Variants in PKIB observed in about 807,000 individuals in gnomAD.
The protein encoded by PKIB is PKI-beta.
A neutral mutation model predicts 4.5 loss-of-function variants in PKIB; 2 were observed. That is an observed-to-expected ratio of 0.44 (90% CI 0.18 to 1.39). The LOEUF is 1.39. Ranked by LOEUF, PKIB falls within the 40% of genes most tolerant of loss-of-function variation. PKIB has a pLI of 0.27. For synonymous variants in PKIB, 38 were observed against 36.0 expected (o/e 1.06, Z -0.20); for missense variants, 94 against 92.6 (o/e 1.02, Z -0.06).
At chr6:122,703,791 C>CAT (rs1778928686) in intron 3 of PKIB, among the ~76,000 whole-genome samples, 1 of 149,618 alleles carries the variant, frequency 6.7e-6, no homozygotes, top group Admixed American at 6.7e-5. Context: ...CATATATATA[C>CAT]ATATATGTAT....
chr6:122,610,477 G>C lies in PKIB; in HGVS notation c.-219G>C, dbSNP rs866768158. The C allele has an allele frequency of 5.2e-5, 8 of 152,634 alleles. No homozygotes were observed. The highest frequency in any genetic ancestry group is 4.1e-4 in the South Asian group (2 of 4,844). The allele number at this position is 152,634 out of a possible 1,614,324, so 9.5% of individuals were successfully genotyped here. A position where few individuals can be genotyped will look rare whatever the true frequency, so the allele number is the denominator to read the frequency against. On this transcript the variant is annotated 5_prime_UTR_variant, in exon 1 of 5. Transcript: ENST00000368452. ...GCCCGAGTCGCAGCTCCGGGCCGCA[G>C]AGCGCTGGGCGAGCGCGAGCGCCAG... is the stretch of plus-strand genomic sequence containing the variant.
chr6:122,505,436 T>C (rs898839852), intron 2 of PKIB, among the ~76,000 whole-genome samples: 2 of 152,226 alleles, frequency 1.3e-5, no homozygotes, highest in African/African-American at 2.4e-5. Flanking sequence ...ATTGTTATTA[T>C]GGTTTGTTTG....
chr6:122,539,576 C>T (rs1421509575), intron 2 of PKIB, among the ~76,000 whole-genome samples: 2 of 151,992 alleles, frequency 1.3e-5, no homozygotes, highest in Non-Finnish European at 2.9e-5. Context: ...CTGCTGAATT[C>T]GGTTTGCCAG....
At chr6:122,701,482 G>A in intron 3 of PKIB, 1 of 1,595,694 alleles carries the variant, frequency 6.3e-7, no homozygotes, top group Non-Finnish European at 8.5e-7. Context: ...GGCTGAACCT[G>A]ACAGCATGTC....
At chr6:122,524,580 A>G (rs958316445) in intron 2 of PKIB, among the ~76,000 whole-genome samples, 1 of 152,092 alleles carries the variant, frequency 6.6e-6, no homozygotes, top group African/African-American at 2.4e-5. Flanking sequence ...TGTTTTGTAG[A>G]ATTCTCCAGT....
intron 2 of PKIB, among the ~76,000 whole-genome samples, chr6:122,540,024 A>G (rs1193872996): frequency 1.3e-5 from 2 of 151,824 alleles, no homozygotes; most frequent in Non-Finnish European, 2.9e-5. Context: ...ATCGGTGGTG[A>G]TATCCCCTTT....
At chr6:122,497,487 C>T (rs2114550673) in intron 2 of PKIB, among the ~76,000 whole-genome samples, 1 of 152,278 alleles carries the variant, frequency 6.6e-6, no homozygotes, top group African/African-American at 2.4e-5. Flanking sequence ...ACTCAGCCCA[C>T]ATGTAACGAC....
At chr6:122,668,189 G>GT (rs2114935190) in intron 2 of PKIB, among the ~76,000 whole-genome samples, 1 of 152,246 alleles carries the variant, frequency 6.6e-6, no homozygotes, top group South Asian at 2.1e-4. Flanking sequence ...TGGTCATTAA[G>GT]TAAAAAAATG....
intron 2 of PKIB, among the ~76,000 whole-genome samples, chr6:122,567,147 G>T (rs1179306229): frequency 6.6e-6 from 1 of 152,186 alleles, no homozygotes; most frequent in East Asian, 1.9e-4. Context: ...GTCTACTCAG[G>T]TGACTTCCAA....
chr6:122,658,006 A>ATT (rs1776841975), intron 2 of PKIB, among the ~76,000 whole-genome samples: 1 of 152,200 alleles, frequency 6.6e-6, no homozygotes, highest in Non-Finnish European at 1.5e-5. Context: ...TCTTTATATC[A>ATT]TGTTGATTAA....
At chr6:122,471,966 A>G in exon 1 of PKIB, 2 of 1,049,450 alleles carry the variant, frequency 1.9e-6, no homozygotes, top group East Asian at 2.8e-5. Context: ...TTTCCTGGAG[A>G]ATTTCTCAAG....
intron 2 of PKIB, among the ~76,000 whole-genome samples, chr6:122,514,677 A>G (rs1256764573): frequency 6.6e-6 from 1 of 152,068 alleles, no homozygotes; most frequent in Non-Finnish European, 1.5e-5. Flanking sequence ...TGCTTTAGAG[A>G]GTAGTGGGTT....
chr6:122,675,411 T>C (rs1310232200), intron 3 of PKIB, among the ~76,000 whole-genome samples: 2 of 152,222 alleles, frequency 1.3e-5, no homozygotes, highest in African/African-American at 4.8e-5. Context: ...TTTGATGATG[T>C]CTTTTTCATT....
intron 3 of PKIB, among the ~76,000 whole-genome samples, chr6:122,705,551 T>G (rs1418221001): frequency 6.7e-6 from 1 of 149,334 alleles, no homozygotes; most frequent in Non-Finnish European, 1.5e-5. Flanking sequence ...GTCTCTATTT[T>G]CAGAAAGCGC....
At chr6:122,604,390 A>G (rs932294341) in intron 3 of PKIB, among the ~76,000 whole-genome samples, 4 of 152,204 alleles carry the variant, frequency 2.6e-5, no homozygotes, top group African/African-American at 9.7e-5. Context: ...AGTTTCCCAA[A>G]GTAGAAGATT....
Position 122,715,413 on chromosome 6 carries a change from G to C in PKIB, c.-8-2374G>C, listed in dbSNP as rs560665058. ...AGTGGTTTCTGATGTGAAGTGAATTGGTGGAGGACAGAGTGGAGGCCAGAA... is the reference window on the plus strand; with the variant it reads ...AGTGGTTTCTGATGTGAAGTGAATTCGTGGAGGACAGAGTGGAGGCCAGAA... On this transcript the variant is annotated intron_variant, in intron 3 of 4. Transcript: ENST00000368452. 6.7e-4 allele frequency among the ~76,000 whole-genome samples: 102 copies of C among 152,016 alleles called. 1 individual carries two copies. In the South Asian group the frequency reaches 9.6e-3, roughly 14 times the overall value.
intron 2 of PKIB, chr6:122,479,258 A>T (rs548853426): frequency 1.3e-5 from 2 of 152,148 alleles, no homozygotes; most frequent in South Asian, 2.1e-4. Context: ...CTCTAGGCAG[A>T]CTCTCAGAAG....
chr6:122,678,753 A>T (rs1777784216), intron 3 of PKIB, among the ~76,000 whole-genome samples: 2 of 152,244 alleles, frequency 1.3e-5, no homozygotes, highest in Admixed American at 6.5e-5. Context: ...GGAGCACAGA[A>T]GCCATGACTT....
intron 2 of PKIB, among the ~76,000 whole-genome samples, chr6:122,637,150 G>C (rs1170153888): frequency 2.6e-5 from 4 of 151,996 alleles, no homozygotes; most frequent in Non-Finnish European, 4.4e-5. Context: ...TGACATCAAA[G>C]GCAAAAATCA....
Sources: gnomAD v4.1 joint callset for allele counts (sites outside exome capture counted in the v4.1 genomes callset) on GRCh38, gnomAD v4.1.1 for gene constraint, MANE v1.5 for transcripts, NCBI Gene and HGNC (gene_info 2026-07-23, HGNC 2026-07-21) for gene names.